Variants in ST3GAL3 observed in about 807,000 individuals in gnomAD.
The protein encoded by ST3GAL3 is CMP-N-acetylneuraminate-beta-1,4-galactoside alpha-2,3-sialyltransferase.
Under a neutral mutation model 50.1 loss-of-function variants are expected in ST3GAL3, and 21 were observed. The ratio of observed to expected loss-of-function variants is 0.42; its 90% CI spans 0.30 to 0.60. The LOEUF is 0.60. ST3GAL3 is among the 20% of genes least tolerant of loss of function. The pLI is 0.19. For synonymous variants in ST3GAL3, 183 were observed against 190.0 expected (o/e 0.96, Z 0.30); for missense variants, 353 against 489.4 (o/e 0.72, Z 2.63).
At chr1:43,759,459 C>CA (rs1190048068) in intron 2 of ST3GAL3, among the ~76,000 whole-genome samples, 2 of 152,126 alleles carry the variant, frequency 1.3e-5, no homozygotes, top group Non-Finnish European at 2.9e-5. Flanking sequence ...AACAAACAAA[C>CA]AAAAAACAAA....
chr1:43,836,313 C>T (rs1006801805), intron 4 of ST3GAL3, among the ~76,000 whole-genome samples: 1 of 152,216 alleles, frequency 6.6e-6, no homozygotes, highest in African/African-American at 2.4e-5. Flanking sequence ...AATAAAGTCC[C>T]AACTCCTTGG....
Position 43,920,522 on chromosome 1 carries a change from C to T in ST3GAL3, c.863C>T (p.Pro288Leu). ...GCCGCCTTCACCCTCATTGGCCTGC[C>T]CTTCAACAATGGCCTCATGGGCCGG... ...QEAAFTLIGL[P>L]FNNGLMGRGN... The change falls in exon 10 of 12, where the codon CCC becomes CTC. Residue 288 changes from proline to leucine, a missense_variant. Coordinates refer to ENST00000347631, the MANE Select transcript of ST3GAL3 (RefSeq NM_006279.5). 6.2e-7 allele frequency: 1 copy of T among 1,614,206 alleles called. No individual in the cohort carries two copies. Among genetic ancestry groups the T allele is most frequent in the Non-Finnish European group, 8.5e-7 (1 of 1,180,038 alleles).
intron 5 of ST3GAL3, among the ~76,000 whole-genome samples, chr1:43,851,824 C>T (rs181082262): frequency 3.3e-4 from 50 of 152,258 alleles, no homozygotes; most frequent in African/African-American, 1.2e-3. Flanking sequence ...GTCCCAGACC[C>T]GCTGACCCAA....
In ST3GAL3 at chr1:43,840,927, A is replaced by C. The variant is rs560566466; in HGVS notation, c.302+2616A>C. The C allele has an allele frequency of 9.2e-5, 14 of 152,378 alleles. 1 individual carries two copies. In the East Asian group the frequency reaches 2.5e-3, roughly 27 times the overall value. 9.4% of individuals were successfully genotyped at this position (152,378 alleles called of 1,614,324 possible). On this transcript the variant is annotated intron_variant, in intron 5 of 11. Transcript: ENST00000347631. ...GGTATAGGCATTGGGTAAACATCCC[A>C]TTCCAAAAAGGGGTAATCAGCCATA...
chr1:43,840,964 A>G (rs1574036926), intron 5 of ST3GAL3: 1 of 152,292 alleles, frequency 6.6e-6, no homozygotes, highest in Non-Finnish European at 1.5e-5. Flanking sequence ...GAAAGGGGCT[A>G]TACGCCCCAT....
intron 2 of ST3GAL3, among the ~76,000 whole-genome samples, chr1:43,787,595 A>G (rs550872133): frequency 3.9e-4 from 60 of 152,370 alleles, no homozygotes; most frequent in Non-Finnish European, 7.8e-4. Flanking sequence ...CCTCTTCTGA[A>G]GTTTAAAAAT....
intron 5 of ST3GAL3, among the ~76,000 whole-genome samples, chr1:43,891,340 C>T (rs559713265): frequency 2.2e-4 from 33 of 152,316 alleles, no homozygotes; most frequent in African/African-American, 7.2e-4. Flanking sequence ...GAGGCCAAGG[C>T]GGGTGGATCA....
At chr1:43,723,007 C>A (rs1057230246) in intron 1 of ST3GAL3, among the ~76,000 whole-genome samples, 2 of 151,906 alleles carry the variant, frequency 1.3e-5, no homozygotes, top group African/African-American at 4.8e-5. Flanking sequence ...GTCATGGGGG[C>A]GGATCCCTCA....
At chr1:43,827,601 C>T (rs998378545) in intron 4 of ST3GAL3, among the ~76,000 whole-genome samples, 3 of 152,118 alleles carry the variant, frequency 2.0e-5, no homozygotes, top group Admixed American at 6.5e-5. Context: ...CTCCCAGGCT[C>T]AAGTGATCCT....
chr1:43,892,890 T>C (rs1171011803), intron 5 of ST3GAL3, among the ~76,000 whole-genome samples: 1 of 152,212 alleles, frequency 6.6e-6, no homozygotes, highest in Non-Finnish European at 1.5e-5. Flanking sequence ...ACCAGGATCC[T>C]CAGAGCCTCT....
At chr1:43,858,818 G>A (rs2069156420) in intron 5 of ST3GAL3, among the ~76,000 whole-genome samples, 1 of 152,206 alleles carries the variant, frequency 6.6e-6, no homozygotes, top group African/African-American at 2.4e-5. Flanking sequence ...CAAATAAATA[G>A]CCAGAGCTAG....
chr1:43,907,650 T>C (rs1322742330), intron 9 of ST3GAL3, among the ~76,000 whole-genome samples: 1 of 152,154 alleles, frequency 6.6e-6, no homozygotes, highest in Non-Finnish European at 1.5e-5. Flanking sequence ...CTTCCTCCTC[T>C]ACCATCCCTC....
rs758984209 is a variant in ST3GAL3 at position 43,744,655 on chromosome 1, A to AAATAAATAAATAAATAAATAAAT, written c.118+8277_118+8278insTAAATAAATAAATAAATAAATAA. On this transcript the variant is annotated intron_variant, in intron 2 of 11. Transcript: ENST00000347631. ...GGGACAGAGCGAGACTCCCTCTCAA[A>AAATAAATAAATAAATAAATAAAT]AAATAAATAAATAAATAAATAAATA... 6.0e-3 allele frequency among the ~76,000 whole-genome samples: 848 copies of AAATAAATAAATAAATAAATAAAT among 140,954 alleles called. 8 individuals are homozygous for AAATAAATAAATAAATAAATAAAT. Among genetic ancestry groups the AAATAAATAAATAAATAAATAAAT allele is most frequent in the Non-Finnish European group, 8.3e-3 (548 of 65,642 alleles). 92.5% of individuals were successfully genotyped at this position (140,954 alleles called of 152,430 possible).
At chr1:43,791,727 A>G (rs2058102663) in intron 2 of ST3GAL3, among the ~76,000 whole-genome samples, 1 of 152,264 alleles carries the variant, frequency 6.6e-6, no homozygotes, top group South Asian at 2.1e-4. Flanking sequence ...GGGCAAGATC[A>G]AAGGGGAAAT....
chr1:43,863,912 C>T (rs2070674191), intron 5 of ST3GAL3, among the ~76,000 whole-genome samples: 1 of 152,206 alleles, frequency 6.6e-6, no homozygotes, highest in Non-Finnish European at 1.5e-5. Flanking sequence ...GTATTCTGCC[C>T]CTCCCTGAAC....
chr1:43,805,301 A>G (rs1160705228), intron 3 of ST3GAL3, among the ~76,000 whole-genome samples: 1 of 152,180 alleles, frequency 6.6e-6, no homozygotes, highest in African/African-American at 2.4e-5. Flanking sequence ...AAATTGTCCC[A>G]CTAACCTAGC....
At chr1:43,817,409 TTCTCCTC>T (rs1190995960) in intron 4 of ST3GAL3, among the ~76,000 whole-genome samples, 3 of 36,164 alleles carry the variant, frequency 8.3e-5, no homozygotes, top group African/African-American at 7.4e-4. Flanking sequence ...TTTCTCCTTC[TTCTCCTC>T]CTTCTCCTTC....
chr1:43,882,207 G>A (rs2075260895), intron 5 of ST3GAL3, among the ~76,000 whole-genome samples: 1 of 152,218 alleles, frequency 6.6e-6, no homozygotes, highest in South Asian at 2.1e-4. Context: ...ATGAGCAGAA[G>A]TTCAGCATGT....
chr1:43,743,655 C>T, intron 2 of ST3GAL3: 1 of 224,438 alleles, frequency 4.5e-6, no homozygotes, highest in Admixed American at 5.2e-5. Context: ...CACCTGCACA[C>T]CTGGAAGTGG....
Sources: allele counts gnomAD v4.1 joint callset (sites outside exome capture counted in the v4.1 genomes callset), GRCh38; gene constraint gnomAD v4.1.1; transcripts MANE v1.5; gene names NCBI Gene and HGNC (gene_info 2026-07-23, HGNC 2026-07-21).